The following NR3C2 variants were observed in gnomAD, a reference collection of about 807,000 sequenced individuals.
NR3C2 encodes the protein nuclear receptor subfamily 3 group C member 2, also known as mineralocorticoid receptor.
NR3C2 carries 15 observed loss-of-function variants against 86.4 expected under a neutral mutation model. That is an observed-to-expected ratio of 0.17 (90% CI 0.12 to 0.27). NR3C2 has a LOEUF of 0.27. Ranked by LOEUF, NR3C2 falls within the 10% of genes least tolerant of loss-of-function variation. The pLI is 1.00. For missense variants in NR3C2, 960 were observed against 1,195.6 expected (o/e 0.80, Z 2.91); for synonymous variants, 458 against 450.5 (o/e 1.02, Z -0.21).
intron 4 of NR3C2, among the ~76,000 whole-genome samples, chr4:148,187,043 T>TATATATAA (rs1735957854): frequency 7.7e-6 from 1 of 130,714 alleles, no homozygotes; most frequent in South Asian, 2.5e-4. Flanking sequence ...TATATATATA[T>TATATATAA]AAAGAAACTG....
At chr4:148,165,051 C>T (rs1734820404) in intron 4 of NR3C2, among the ~76,000 whole-genome samples, 1 of 152,138 alleles carries the variant, frequency 6.6e-6, no homozygotes. Context: ...GCTTACCAAA[C>T]AGATAGATGA....
At chr4:148,397,171 C>T (rs545669619) in intron 2 of NR3C2, among the ~76,000 whole-genome samples, 187 of 152,338 alleles carry the variant, frequency 1.2e-3, no homozygotes, top group Non-Finnish European at 2.3e-3. Flanking sequence ...AAGACCAGCC[C>T]CCACCATTTC....
intron 8 of NR3C2, among the ~76,000 whole-genome samples, chr4:148,111,993 C>T (rs1732066174): frequency 6.6e-6 from 1 of 152,002 alleles, no homozygotes; most frequent in Admixed American, 6.6e-5. Context: ...TCAGTTATAC[C>T]TCAATTAAGA....
chr4:148,330,792 G>A (rs1447377545), intron 2 of NR3C2, among the ~76,000 whole-genome samples: 1 of 152,134 alleles, frequency 6.6e-6, no homozygotes, highest in Non-Finnish European at 1.5e-5. Flanking sequence ...GATCATGGGG[G>A]CGGATCCCCT....
At chr4:148,131,219 A>G (rs953650633) in intron 6 of NR3C2, among the ~76,000 whole-genome samples, 4 of 152,152 alleles carry the variant, frequency 2.6e-5, no homozygotes, top group South Asian at 2.1e-4. Flanking sequence ...GTAGGCAGCA[A>G]TAGTGTCAAT....
At chr4:148,260,884 T>C (rs1412603646) in intron 2 of NR3C2, among the ~76,000 whole-genome samples, 1 of 152,220 alleles carries the variant, frequency 6.6e-6, no homozygotes, top group Non-Finnish European at 1.5e-5. Context: ...ATATATTATA[T>C]AGTACTGTGT....
At chr4:148,146,742 C>T (rs1733888365) in intron 6 of NR3C2, 1 of 152,234 alleles carries the variant, frequency 6.6e-6, no homozygotes, top group Non-Finnish European at 1.5e-5. Flanking sequence ...AACCCTCTCT[C>T]ACTCTCGCCA....
In NR3C2 at chr4:148,165,638, T is replaced by C. The variant is rs1388225306; in HGVS notation, c.2015-10737A>G. The stretch of plus-strand genomic sequence containing the variant: ...TTTATATGAAAAGAAAACTGTGTTT[T>C]ACTCAAGAATACTAATGCTGCGATT... On this transcript the variant is annotated intron_variant, in intron 4 of 8. Transcript: ENST00000358102. Among the ~76,000 whole-genome samples, 3 of 152,328 alleles carry C rather than the reference T, an allele frequency of 2.0e-5. No homozygotes were observed. In the East Asian group the frequency reaches 5.8e-4, roughly 29 times the overall value.
Position 148,198,501 on chromosome 4 carries a change from G to A in NR3C2, c.1898-3639C>T, listed in dbSNP as rs117011150. Among the ~76,000 whole-genome samples, 1,425 of 152,168 alleles carry A rather than the reference G, an allele frequency of 9.4e-3. 38 individuals are homozygous for A. In the East Asian group the frequency reaches 0.1, roughly 11 times the overall value. ...GCACAATGAAAAGGGGACCAGCTTC[G>A]CAACCAGGGTCCATCTGGGTCTCAA... On this transcript the variant is annotated intron_variant, in intron 3 of 8. Coordinates refer to ENST00000358102, the MANE Select transcript of NR3C2 (RefSeq NM_000901.5).
At chr4:148,317,892 T>C (rs533191562) in intron 2 of NR3C2, among the ~76,000 whole-genome samples, 1 of 151,960 alleles carries the variant, frequency 6.6e-6, no homozygotes, top group Admixed American at 6.6e-5. Flanking sequence ...TTTTTTATTA[T>C]ACTTTAAGTT....
intron 2 of NR3C2, among the ~76,000 whole-genome samples, chr4:148,261,182 A>AGCGCTATGGT (rs1290111451): frequency 6.6e-6 from 1 of 152,206 alleles, no homozygotes; most frequent in Non-Finnish European, 1.5e-5. Context: ...CACTATGGTC[A>AGCGCTATGGT]GCGCTATGGT....
chr4:148,438,148 T>C (rs1297030185), intron 1 of NR3C2, among the ~76,000 whole-genome samples: 1 of 152,220 alleles, frequency 6.6e-6, no homozygotes, highest in African/African-American at 2.4e-5. Context: ...TTCTCAATCT[T>C]GGCACATTGA....
At chr4:148,342,274 A>AAC (rs70962713) in intron 2 of NR3C2, among the ~76,000 whole-genome samples, 5,031 of 151,044 alleles carry the variant, frequency 0.033, 103 homozygotes, top group Non-Finnish European at 0.04. Context: ...TAAATAACAT[A>AAC]ACACACACAC....
At chr4:148,154,358 T>C (rs1280425899) in intron 5 of NR3C2, among the ~76,000 whole-genome samples, 193 bp downstream of exon 5, 1 of 152,210 alleles carries the variant, frequency 6.6e-6, no homozygotes, top group Non-Finnish European at 1.5e-5. Context: ...TCCTTAACCC[T>C]GCATTCTCGG....
At chr4:148,414,928 C>T (rs1748918289) in intron 2 of NR3C2, among the ~76,000 whole-genome samples, 1 of 152,134 alleles carries the variant, frequency 6.6e-6, no homozygotes, top group Admixed American at 6.5e-5. Context: ...AAGTTATTAA[C>T]AGTATTAGGG....
At chr4:148,138,942 TTCTC>T (rs1291801693) in intron 6 of NR3C2, among the ~76,000 whole-genome samples, 2 of 152,238 alleles carry the variant, frequency 1.3e-5, no homozygotes, top group Non-Finnish European at 2.9e-5. Flanking sequence ...CACATTCTCT[TTCTC>T]TTTCTTTCTC....
intron 2 of NR3C2, among the ~76,000 whole-genome samples, chr4:148,329,676 A>G (rs1197642378): frequency 1.3e-5 from 2 of 152,244 alleles, no homozygotes; most frequent in Non-Finnish European, 2.9e-5. Flanking sequence ...CTCCTGCAAA[A>G]ACTTTAAGTT....
At chr4:148,095,521 A>G (rs1282508310) in intron 8 of NR3C2, among the ~76,000 whole-genome samples, 1 of 152,196 alleles carries the variant, frequency 6.6e-6, no homozygotes, top group African/African-American at 2.4e-5. Flanking sequence ...TGAGTTTTGG[A>G]GAGTCCTGAA....
chr4:148,348,817 C>T (rs1252422444), intron 2 of NR3C2, among the ~76,000 whole-genome samples: 1 of 152,084 alleles, frequency 6.6e-6, no homozygotes, highest in African/African-American at 2.4e-5. Flanking sequence ...ATACAATAAT[C>T]CAAGAAACCT....
Sources: gnomAD v4.1 joint callset for allele counts (sites outside exome capture counted in the v4.1 genomes callset) on GRCh38, gnomAD v4.1.1 for gene constraint, MANE v1.5 for transcripts, NCBI Gene and HGNC (gene_info 2026-07-23, HGNC 2026-07-21) for gene names.